The following RPS6KA5 variants were observed in gnomAD, a reference collection of about 807,000 sequenced individuals.
The protein encoded by RPS6KA5 is ribosomal protein S6 kinase alpha-5.
RPS6KA5 carries 27 observed loss-of-function variants against 85.5 expected under a neutral mutation model. The ratio of observed to expected loss-of-function variants is 0.32; its 90% CI spans 0.23 to 0.44. The LOEUF (loss-of-function observed/expected upper bound fraction) is 0.44. Ranked by LOEUF, RPS6KA5 falls within the 20% of genes least tolerant of loss-of-function variation. The pLI is 1.00. For synonymous variants in RPS6KA5, 334 were observed against 348.2 expected (o/e 0.96, Z 0.46); for missense variants, 811 against 980.9 (o/e 0.83, Z 2.31).
chr14:91,030,611 G>GAAAAAAAAAAAAAAAAAAAAAAAAAAA (rs58737573), intron 1 of RPS6KA5, among the ~76,000 whole-genome samples: 3 of 22,024 alleles, frequency 1.4e-4, no homozygotes, highest in South Asian at 2.5e-3. Flanking sequence ...AAAATAAACA[G>GAAAAAAAAAAAAAAAAAAAAAAAAAAA]AAAAAAAAAA....
At chr14:90,873,932 G>C in intron 15 of RPS6KA5, 137 bp from the exon 16 acceptor site, 2 of 632,064 alleles carry the variant, frequency 3.2e-6, no homozygotes, top group Non-Finnish European at 5.1e-6. Context: ...AAGATAATTA[G>C]ATTTTCCTAT....
chr14:90,951,159 T>A (rs553268076), intron 3 of RPS6KA5, among the ~76,000 whole-genome samples: 2 of 138,880 alleles, frequency 1.4e-5, no homozygotes, highest in Non-Finnish European at 3.1e-5. Flanking sequence ...GAGATAATGG[T>A]CTGTAGTTGA....
chr14:90,998,132 T>A (rs545234621), intron 2 of RPS6KA5, among the ~76,000 whole-genome samples: 1 of 152,204 alleles, frequency 6.6e-6, no homozygotes, highest in South Asian at 2.1e-4. Flanking sequence ...TATGTTTACC[T>A]TTATATGAAA....
chr14:91,020,533 A>ACT (rs1413933463), intron 1 of RPS6KA5, among the ~76,000 whole-genome samples: 44 of 77,558 alleles, frequency 5.7e-4, no homozygotes, highest in Admixed American at 1.7e-3. Context: ...CTAAGGAATG[A>ACT]CTGTGTGTGT....
chr14:91,043,489 T>C (rs1036736221), intron 1 of RPS6KA5, among the ~76,000 whole-genome samples: 1 of 152,174 alleles, frequency 6.6e-6, no homozygotes, highest in Non-Finnish European at 1.5e-5. Context: ...TTCTACTTAC[T>C]TCTTGAGTAA....
chr14:90,975,788 T>C (rs998730085), intron 3 of RPS6KA5, among the ~76,000 whole-genome samples: 2 of 152,196 alleles, frequency 1.3e-5, no homozygotes, highest in Admixed American at 1.3e-4. Context: ...ATGGTCCTCT[T>C]CTAAATTCCT....
chr14:90,972,955 G>C (rs1038507628), intron 3 of RPS6KA5, among the ~76,000 whole-genome samples: 1 of 152,144 alleles, frequency 6.6e-6, no homozygotes, highest in Non-Finnish European at 1.5e-5. Flanking sequence ...CATGTGAAAA[G>C]ATGTTCGGCC....
At chr14:91,052,833 CAAAAAAAA>C (rs200161761) in intron 1 of RPS6KA5, among the ~76,000 whole-genome samples, 274 of 120,228 alleles carry the variant, frequency 2.3e-3, no homozygotes, top group Admixed American at 2.7e-3. Context: ...ACTCCATCTC[CAAAAAAAA>C]AAAAAAAAAA....
At chr14:90,972,706 A>G (rs1003186009) in intron 3 of RPS6KA5, among the ~76,000 whole-genome samples, 1 of 152,218 alleles carries the variant, frequency 6.6e-6, no homozygotes, top group African/African-American at 2.4e-5. Flanking sequence ...TCTTCTGACT[A>G]TGACTCAAAA....
chr14:90,893,215 C>G (rs2140203293), intron 13 of RPS6KA5, among the ~76,000 whole-genome samples: 1 of 152,262 alleles, frequency 6.6e-6, no homozygotes, highest in South Asian at 2.1e-4. Flanking sequence ...TAAAAATAGA[C>G]AGCTAATCTC....
intron 1 of RPS6KA5, 125 bp downstream of exon 1, chr14:91,060,207 C>A (rs1393086565): frequency 1.0e-6 from 1 of 961,666 alleles, no homozygotes; most frequent in African/African-American, 1.8e-5. Flanking sequence ...CGCGACGCCC[C>A]GCCCCAGGCC....
intron 3 of RPS6KA5, among the ~76,000 whole-genome samples, chr14:90,971,334 G>A (rs2039311818): frequency 6.6e-6 from 1 of 152,000 alleles, no homozygotes; most frequent in Non-Finnish European, 1.5e-5. Context: ...AAAAATTATT[G>A]GAACCCTACC....
At chr14:90,952,073 G>C (rs1268654182) in intron 3 of RPS6KA5, among the ~76,000 whole-genome samples, 1 of 152,126 alleles carries the variant, frequency 6.6e-6, no homozygotes, top group Non-Finnish European at 1.5e-5. Flanking sequence ...CAGGCACCTT[G>C]GATTGCTTCT....
chr14:91,052,833 CAAAAA>C (rs200161761), intron 1 of RPS6KA5, among the ~76,000 whole-genome samples: 25 of 120,196 alleles, frequency 2.1e-4, no homozygotes, highest in East Asian at 2.3e-4. Context: ...ACTCCATCTC[CAAAAA>C]AAAAAAAAAA....
In RPS6KA5 at chr14:90,857,546, G is replaced by A. The variant is rs748215779; in HGVS notation, c.*14528C>T. 13 of 152,200 alleles carry A rather than the reference G, an allele frequency of 8.5e-5. No homozygotes were observed. Among genetic ancestry groups the A allele is most frequent in the Admixed American group, 2.0e-4 (3 of 15,272 alleles). 9.4% of individuals were successfully genotyped at this position (152,200 alleles called of 1,614,324 possible). A position where few individuals can be genotyped will look rare whatever the true frequency, so the allele number is the denominator to read the frequency against. On this transcript the variant is annotated 3_prime_UTR_variant, in exon 17 of 17. Coordinates refer to ENST00000614987, the MANE Select transcript of RPS6KA5 (RefSeq NM_004755.4). ...ATTGTCAAATAATTGTGCTCCCGGTGAGATTTTTATGTAACACAGAAACTC... is the reference window on the plus strand; with the variant it reads ...ATTGTCAAATAATTGTGCTCCCGGTAAGATTTTTATGTAACACAGAAACTC...
chr14:90,866,979 C>G lies in RPS6KA5; in HGVS notation c.*5095G>C, dbSNP rs578182415. On this transcript the variant is annotated 3_prime_UTR_variant, in exon 17 of 17. Transcript: ENST00000614987. ...AGGAATAACTGAATGCCTACCACAG[C>G]AACAGAGCTTTAATGAGGTTAATTG... The G allele has an allele frequency of 6.6e-6, 1 of 152,300 alleles. No homozygotes were observed. The highest frequency in any genetic ancestry group is 2.4e-5 in the African/African-American group (1 of 41,570). 9.4% of individuals were successfully genotyped at this position (152,300 alleles called of 1,614,324 possible).
At chr14:91,026,214 G>A (rs2041985522) in intron 1 of RPS6KA5, among the ~76,000 whole-genome samples, 1 of 152,066 alleles carries the variant, frequency 6.6e-6, no homozygotes, top group Non-Finnish European at 1.5e-5. Context: ...TGGTGTATAC[G>A]TACCACATTT....
intron 4 of RPS6KA5, among the ~76,000 whole-genome samples, chr14:90,943,773 T>C (rs1175000027): frequency 1.3e-5 from 2 of 152,216 alleles, no homozygotes; most frequent in Admixed American, 1.3e-4. Context: ...TAAAGAATTG[T>C]TGATTAACAG....
At chr14:90,879,674 T>C (rs2140156077) in intron 14 of RPS6KA5, among the ~76,000 whole-genome samples, 2 of 152,288 alleles carry the variant, frequency 1.3e-5, no homozygotes, top group South Asian at 4.1e-4. Flanking sequence ...TCCTCAGTCC[T>C]GCACCCTTGG....
Sources: allele counts gnomAD v4.1 joint callset (sites outside exome capture counted in the v4.1 genomes callset), GRCh38; gene constraint gnomAD v4.1.1; transcripts MANE v1.5; gene names NCBI Gene and HGNC (gene_info 2026-07-23, HGNC 2026-07-21).